The following ANK2 variants were observed in gnomAD, a reference collection of about 807,000 sequenced individuals.
ANK2 encodes the protein ankyrin-2.
Under a neutral mutation model 360.5 loss-of-function variants are expected in ANK2, and 83 were observed. The ratio of observed to expected loss-of-function variants is 0.23; its 90% confidence interval spans 0.19 to 0.28. The LOEUF (loss-of-function observed/expected upper bound fraction) is 0.28, where lower values mean the gene tolerates loss of function less well. Among genes scored for constraint, ANK2 ranks in the 10% least tolerant of loss-of-function variants. ANK2 has a pLI of 1.00. For synonymous variants in ANK2, 1,740 were observed against 1,759.5 expected, an observed-to-expected ratio of 0.99 and a Z score of 0.28; for missense variants, 4,201 against 4,795.7, an observed-to-expected ratio of 0.88 and a Z score of 3.66.
intron 1 of ANK2, chr4:112,827,505 T>C (rs2058658615): frequency 7.9e-7 from 1 of 1,265,470 alleles, no homozygotes; most frequent in South Asian, 1.2e-5. Flanking sequence ...AGTTGCTTCA[T>C]CTAAGAATCA....
chr4:113,051,939 A>C (rs1422244768), intron 1 of ANK2, among the ~76,000 whole-genome samples: 2 of 152,224 alleles, frequency 1.3e-5, no homozygotes, highest in Non-Finnish European at 2.9e-5. Context: ...TATTGCAATA[A>C]GCCTTTTAAG....
intron 9 of ANK2, 134 bp from the exon 10 acceptor site, chr4:113,249,630 C>A (rs934484584): frequency 6.3e-6 from 5 of 793,630 alleles, no homozygotes; most frequent in African/African-American, 5.1e-5. Context: ...GGTTATTTAA[C>A]AAATTGCAGT....
intron 2 of ANK2, among the ~76,000 whole-genome samples, chr4:112,961,530 T>C (rs2034832829): frequency 6.6e-6 from 1 of 152,154 alleles, no homozygotes; most frequent in Admixed American, 6.5e-5. Context: ...TTTAAATACC[T>C]TAGATTAAAA....
At chr4:112,910,177 A>G (rs2086627717) in intron 2 of ANK2, among the ~76,000 whole-genome samples, 1 of 152,230 alleles carries the variant, frequency 6.6e-6, no homozygotes, top group Non-Finnish European at 1.5e-5. Context: ...CTAAATCTGA[A>G]AATACGGATC....
chr4:113,098,779 A>G (rs1215400431), intron 1 of ANK2, among the ~76,000 whole-genome samples: 2 of 152,032 alleles, frequency 1.3e-5, no homozygotes, highest in African/African-American at 4.8e-5. Context: ...ATGTAAAAAT[A>G]TTGAACAGAA....
chr4:113,263,187 G>GAAAAAAAAAAAAAAAAAAAAAAA (rs762758720), intron 13 of ANK2, among the ~76,000 whole-genome samples: 1 of 63,622 alleles, frequency 1.6e-5, no homozygotes, highest in Non-Finnish European at 3.1e-5. Context: ...GACTCTGTCT[G>GAAAAAAAAAAAAAAAAAAAAAAA]AAAAAAAAAA....
intron 29 of ANK2, 149 bp downstream of exon 29, chr4:113,333,357 G>A: frequency 1.8e-6 from 2 of 1,083,812 alleles, no homozygotes; most frequent in Non-Finnish European, 2.7e-6. Flanking sequence ...ACTACAGCAG[G>A]TAATCTGCTT....
At chr4:112,826,627 C>A in intron 1 of ANK2, 1 of 1,242,252 alleles carries the variant, frequency 8.0e-7, no homozygotes, top group Non-Finnish European at 1.1e-6. Context: ...CAGCAGGCTT[C>A]AGGAGGCAGT....
At chr4:113,130,774 T>A (rs2095974245) in intron 1 of ANK2, among the ~76,000 whole-genome samples, 1 of 152,200 alleles carries the variant, frequency 6.6e-6, no homozygotes, top group African/African-American at 2.4e-5. Context: ...ATTCTAAATA[T>A]CCAACACTAT....
intron 2 of ANK2, among the ~76,000 whole-genome samples, chr4:112,972,146 G>C (rs1241484679): frequency 6.6e-6 from 1 of 152,130 alleles, no homozygotes. Flanking sequence ...GTGTCCAATA[G>C]ACTGTAGATG....
At chr4:112,850,334 C>CATCCATCT (rs1195054420) in intron 1 of ANK2, among the ~76,000 whole-genome samples, 1 of 149,504 alleles carries the variant, frequency 6.7e-6, no homozygotes, top group African/African-American at 2.5e-5. Context: ...TTCATCTGTC[C>CATCCATCT]ATCCATCCAT....
chr4:113,174,772 C>A (rs139910370), intron 2 of ANK2, among the ~76,000 whole-genome samples: 1 of 152,092 alleles, frequency 6.6e-6, no homozygotes, highest in Admixed American at 6.5e-5. Flanking sequence ...ATTTGGGCCA[C>A]CTTTAGCTGG....
intron 2 of ANK2, among the ~76,000 whole-genome samples, chr4:112,989,255 CAT>C (rs1481301332): frequency 6.6e-6 from 1 of 152,032 alleles, no homozygotes; most frequent in African/African-American, 2.4e-5. Context: ...AGCTGAAACT[CAT>C]ATAATTACTT....
chr4:113,269,471 C>T (rs763041188), intron 14 of ANK2, among the ~76,000 whole-genome samples: 20 of 152,224 alleles, frequency 1.3e-4, no homozygotes, highest in Non-Finnish European at 2.4e-4. Context: ...AGTATCTGGG[C>T]CAGAGTGCAC....
At chr4:112,998,193 C>T (rs2049321896) in intron 2 of ANK2, among the ~76,000 whole-genome samples, 1 of 151,980 alleles carries the variant, frequency 6.6e-6, no homozygotes, top group Non-Finnish European at 1.5e-5. Flanking sequence ...TCGCCATTTT[C>T]AAGGTACATT....
At chr4:113,254,798 T>C (rs777490175) in intron 10 of ANK2, among the ~76,000 whole-genome samples, 1 of 152,224 alleles carries the variant, frequency 6.6e-6, no homozygotes, top group Non-Finnish European at 1.5e-5. Flanking sequence ...ATTTCTGCTT[T>C]GTTGAATGTA....
Position 113,258,052 on chromosome 4 carries a change from T to C in ANK2, c.1191T>C (p.Asn397=). The C allele has an allele frequency of 6.2e-7, 1 of 1,613,646 alleles. No individual in the cohort carries two copies. The highest frequency in any genetic ancestry group is 8.5e-7 in the Non-Finnish European group (1 of 1,179,496). The change falls in exon 12 of 46, where the codon AAT becomes AAC. Residue 397 remains asparagine, a splice_region_variant and synonymous_variant. Transcript: ENST00000357077. ...KRANPNARAL[N]GFTPLHIACK... ...TAACTTGATTGTCTTTTGCACAGAATGGTTTTACTCCACTGCACATTGCCT... is the reference window on the plus strand; with the variant it reads ...TAACTTGATTGTCTTTTGCACAGAACGGTTTTACTCCACTGCACATTGCCT...
At chr4:113,000,065 A>G (rs548102767) in intron 2 of ANK2, among the ~76,000 whole-genome samples, 99 of 152,332 alleles carry the variant, frequency 6.5e-4, no homozygotes, top group African/African-American at 2.0e-3. Flanking sequence ...GACTCAAAGA[A>G]AAGAAGTGAA....
rs1191958376 is a variant in ANK2, at chr4:112,958,325, A to T, written c.21+53811A>T. Among the ~76,000 whole-genome samples, 5 of 152,052 alleles carry T rather than the reference A, an allele frequency of 3.3e-5. No homozygotes were observed. In the East Asian group the frequency reaches 9.6e-4, roughly 29 times the overall value. On this transcript the variant is annotated intron_variant, in intron 2 of 30. Transcript: ENST00000503271. ...CACCATTGAGCACTGAGTGAACCAG[A>T]CTCCATCTGCAATCCCGGCACCTCG...
Sources: gnomAD v4.1 joint callset for allele counts (sites outside exome capture counted in the v4.1 genomes callset) on GRCh38, gnomAD v4.1.1 for gene constraint, MANE v1.5 for transcripts, NCBI Gene and HGNC (gene_info 2026-07-23, HGNC 2026-07-21) for gene names.